MIS18A: variants seen among roughly 807,000 people sequenced by gnomAD.
MIS18A encodes protein Mis18-alpha.
A neutral mutation model predicts 25.0 loss-of-function variants in MIS18A; 14 were observed. The ratio of observed to expected loss-of-function variants is 0.56; its 90% CI spans 0.37 to 0.88. MIS18A has a LOEUF of 0.88. Among genes scored for constraint, MIS18A ranks in the 40% least tolerant of loss-of-function variants. The pLI is 0.00. For missense variants in MIS18A, 292 were observed against 290.8 expected (o/e 1.00, Z -0.03); for synonymous variants, 134 against 118.6 (o/e 1.13, Z -0.84).
intron 2 of MIS18A, among the ~76,000 whole-genome samples, chr21:32,271,531 T>C (rs1247671578): frequency 6.6e-6 from 1 of 152,246 alleles, no homozygotes; most frequent in Non-Finnish European, 1.5e-5. Flanking sequence ...GATTAAGTCA[T>C]GAATTCTCAC....
chr21:32,177,555 G>T, the MIS18A span, among the ~76,000 whole-genome samples: 3 of 152,098 alleles, frequency 2.0e-5, no homozygotes, highest in African/African-American at 7.2e-5. Flanking sequence ...AAACTCTGAA[G>T]AACTTGCAGA....
the MIS18A span, among the ~76,000 whole-genome samples, chr21:32,239,989 C>G: frequency 5.8e-4 from 88 of 152,280 alleles, no homozygotes; most frequent in East Asian, 0.017. Context: ...ACTATTGAAA[C>G]AAAAGAAGTT....
chr21:32,205,262 G>A, the MIS18A span, among the ~76,000 whole-genome samples: 3 of 151,570 alleles, frequency 2.0e-5, no homozygotes, highest in South Asian at 2.1e-4. Flanking sequence ...CTGCCACCAC[G>A]CCCGGCTAAT....
the MIS18A span, among the ~76,000 whole-genome samples, chr21:32,217,649 G>C: frequency 6.6e-6 from 1 of 152,068 alleles, no homozygotes; most frequent in African/African-American, 2.4e-5. Flanking sequence ...AACTCAAAGA[G>C]ACTCACACAG....
the MIS18A span, among the ~76,000 whole-genome samples, chr21:32,166,120 C>T: frequency 1.6e-3 from 244 of 152,242 alleles, no homozygotes; most frequent in African/African-American, 5.6e-3. Context: ...ACAAAAGAGA[C>T]GCACAGGACA....
chr21:32,208,755 A>G, the MIS18A span, among the ~76,000 whole-genome samples: 1 of 152,142 alleles, frequency 6.6e-6, no homozygotes, highest in Admixed American at 6.5e-5. Context: ...TTTCTCTTTA[A>G]CTACTCAGCA....
chr21:32,164,131 C>T, the MIS18A span, among the ~76,000 whole-genome samples: 1 of 152,272 alleles, frequency 6.6e-6, no homozygotes, highest in East Asian at 1.9e-4. Flanking sequence ...AAACACCTCC[C>T]ACTAGCCCCC....
chr21:32,274,642 C>T (rs1220848283), intron 2 of MIS18A, among the ~76,000 whole-genome samples, 188 bp downstream of exon 2: 1 of 152,112 alleles, frequency 6.6e-6, no homozygotes, highest in Admixed American at 6.5e-5. Context: ...CACTCAAGAA[C>T]TAACATATTC....
chr21:32,269,882 C>T (rs540008393), intron 3 of MIS18A, 79 bp from the exon 4 acceptor site: 1 of 870,882 alleles, frequency 1.1e-6, no homozygotes, highest in African/African-American at 1.7e-5. Context: ...GAGGCTGAGA[C>T]AGAAGGATCA....
At chr21:32,269,411 C>G (rs2031671886) in intron 4 of MIS18A, among the ~76,000 whole-genome samples, 1 of 152,184 alleles carries the variant, frequency 6.6e-6, no homozygotes, top group Non-Finnish European at 1.5e-5. Context: ...GCTATTTATA[C>G]CACAAGAATT....
At chr21:32,255,081 A>T in the MIS18A span, among the ~76,000 whole-genome samples, 1 of 152,222 alleles carries the variant, frequency 6.6e-6, no homozygotes, top group Non-Finnish European at 1.5e-5. Flanking sequence ...GTATAAATAA[A>T]ATGCATAGGA....
the MIS18A span, among the ~76,000 whole-genome samples, chr21:32,174,540 A>G: frequency 6.6e-6 from 1 of 152,190 alleles, no homozygotes; most frequent in Non-Finnish European, 1.5e-5. Context: ...AAAGATGAAC[A>G]TTTCTCAATG....
intron 1 of MIS18A, among the ~76,000 whole-genome samples, chr21:32,276,528 G>A (rs2031814255): frequency 6.7e-6 from 1 of 150,352 alleles, no homozygotes; most frequent in South Asian, 2.1e-4. Flanking sequence ...TTTTCTTGGA[G>A]ATGTGGACGT....
the MIS18A span, among the ~76,000 whole-genome samples, chr21:32,226,044 A>G: frequency 1.9e-5 from 2 of 103,384 alleles, no homozygotes; most frequent in Non-Finnish European, 3.7e-5. Flanking sequence ...AAAACCAAAC[A>G]CCGCATATTC....
At chr21:32,184,980 G>C in the MIS18A span, among the ~76,000 whole-genome samples, 2 of 151,878 alleles carry the variant, frequency 1.3e-5, no homozygotes, top group African/African-American at 2.4e-5. Context: ...CTTCTCCCAG[G>C]ATATCCACTT....
At chr21:32,196,644 G>A in the MIS18A span, among the ~76,000 whole-genome samples, 1 of 151,958 alleles carries the variant, frequency 6.6e-6, no homozygotes, top group Non-Finnish European at 1.5e-5. Flanking sequence ...TGTAGAGATG[G>A]GGTTTTGCCA....
At chr21:32,155,685 T>G in the MIS18A span, among the ~76,000 whole-genome samples, 1 of 152,116 alleles carries the variant, frequency 6.6e-6, no homozygotes, top group Non-Finnish European at 1.5e-5. Flanking sequence ...AAAGTTAGGG[T>G]TGAAATGTAG....
chr21:32,246,344 T>C, the MIS18A span, among the ~76,000 whole-genome samples: 1 of 152,164 alleles, frequency 6.6e-6, no homozygotes, highest in Non-Finnish European at 1.5e-5. Flanking sequence ...GGTGTAGACC[T>C]GGGACTGCAC....
chr21:32,223,822 C>G, the MIS18A span, among the ~76,000 whole-genome samples: 1 of 152,058 alleles, frequency 6.6e-6, no homozygotes, highest in Non-Finnish European at 1.5e-5. Context: ...AGAGACACAA[C>G]AAAAAAAGAA....
Sources: gnomAD v4.1 joint callset for allele counts (sites outside exome capture counted in the v4.1 genomes callset) on GRCh38, gnomAD v4.1.1 for gene constraint, MANE v1.5 for transcripts, NCBI Gene and HGNC (gene_info 2026-07-23, HGNC 2026-07-21) for gene names.